The following STAU2 variants were observed in gnomAD, a reference collection of about 807,000 sequenced individuals.
The protein encoded by STAU2 is staufen double-stranded RNA binding protein 2.
A neutral mutation model predicts 65.9 loss-of-function variants in STAU2; 20 were observed. The observed-to-expected ratio is 0.30, with a 90% CI of 0.21 to 0.44. STAU2 has a LOEUF of 0.44. Among genes scored for constraint, STAU2 ranks in the 20% least tolerant of loss-of-function variants. The pLI is 1.00. For missense variants in STAU2, 558 were observed against 683.9 expected (o/e 0.82, Z 2.05); for synonymous variants, 232 against 233.9 (o/e 0.99, Z 0.07).
chr8:73,746,650 A>C, intron 1 of STAU2, 133 bp downstream of exon 1: 3 of 405,600 alleles, frequency 7.4e-6, no homozygotes, highest in Non-Finnish European at 1.2e-5. Context: ...GGGGGAGGGG[A>C]GGCCGCGAAG....
At chr8:73,444,178 G>A (rs9650247) in intron 13 of STAU2, among the ~76,000 whole-genome samples, 12,816 of 152,140 alleles carry the variant, frequency 0.084, 718 homozygotes, top group Middle Eastern at 0.16. Context: ...AGGCCGAGGC[G>A]GGCAGATCAC....
At chr8:73,559,933 G>C (rs1808074959) in intron 12 of STAU2, among the ~76,000 whole-genome samples, 1 of 151,780 alleles carries the variant, frequency 6.6e-6, no homozygotes, top group African/African-American at 2.4e-5. Flanking sequence ...AAACTAAAAA[G>C]AGAAAATGTT....
chr8:73,437,243 G>A (rs1201989108), intron 13 of STAU2, among the ~76,000 whole-genome samples: 1 of 152,180 alleles, frequency 6.6e-6, no homozygotes, highest in East Asian at 1.9e-4. Context: ...ATATCATCAG[G>A]TTAAGTACCT....
intron 13 of STAU2, among the ~76,000 whole-genome samples, chr8:73,490,138 T>C (rs547913140): frequency 6.6e-6 from 1 of 152,042 alleles, no homozygotes; most frequent in East Asian, 1.9e-4. Context: ...GCCATCACTT[T>C]GTTTTTCTCA....
intron 13 of STAU2, among the ~76,000 whole-genome samples, chr8:73,460,650 T>G (rs970238059): frequency 6.6e-6 from 1 of 152,220 alleles, no homozygotes; most frequent in Non-Finnish European, 1.5e-5. Flanking sequence ...AGCTGTCTTG[T>G]GCATTCTCTA....
At chr8:73,546,571 T>G (rs1806955394) in intron 13 of STAU2, among the ~76,000 whole-genome samples, 1 of 152,228 alleles carries the variant, frequency 6.6e-6, no homozygotes, top group African/African-American at 2.4e-5. Context: ...AGTTTATCCA[T>G]ATATCCCCTA....
chr8:73,503,353 GCAGGGCT>G (rs1821868722), intron 13 of STAU2, among the ~76,000 whole-genome samples: 1 of 152,076 alleles, frequency 6.6e-6, no homozygotes, highest in Admixed American at 6.6e-5. Flanking sequence ...TAAAGTAATA[GCAGGGCT>G]CATTTCCTTG....
intron 6 of STAU2, among the ~76,000 whole-genome samples, chr8:73,664,557 T>C (rs1477965849): frequency 6.6e-6 from 1 of 152,240 alleles, no homozygotes; most frequent in Non-Finnish European, 1.5e-5. Flanking sequence ...ACTGATATGG[T>C]TGTTCTCCTT....
At chr8:73,535,976 T>A (rs907643427) in intron 13 of STAU2, among the ~76,000 whole-genome samples, 37 of 151,970 alleles carry the variant, frequency 2.4e-4, no homozygotes, top group Admixed American at 6.6e-4. Flanking sequence ...TTTAATTTTT[T>A]TAAAAAAAAT....
chr8:73,422,729 C>A, intron 13 of STAU2, 27 bp from the exon 14 acceptor site: 1 of 1,392,192 alleles, frequency 7.2e-7, no homozygotes, highest in Non-Finnish European at 9.5e-7. Context: ...ACAGAGAGAG[C>A]CATTCACTGA....
At chr8:73,551,337 G>A in intron 13 of STAU2, 1 of 987,264 alleles carries the variant, frequency 1.0e-6, no homozygotes, top group Non-Finnish European at 1.2e-6. Context: ...CTATAAGCTA[G>A]TTTTAGACTA....
chr8:73,485,478 G>T (rs16938682), intron 13 of STAU2, among the ~76,000 whole-genome samples: 15,931 of 151,870 alleles, frequency 0.1, 1,420 homozygotes, highest in African/African-American at 0.23. Context: ...GTAGGACCAC[G>T]GAAGGGAGAG....
At chr8:73,734,137 A>T (rs1159187938) in intron 3 of STAU2, among the ~76,000 whole-genome samples, 1 of 152,038 alleles carries the variant, frequency 6.6e-6, no homozygotes, top group African/African-American at 2.4e-5. Context: ...CATAGAAAAA[A>T]AATCTAGAAG....
In STAU2 at chr8:73,673,241, G is replaced by A; in HGVS notation, c.276C>T (p.Gly92=). 1 of 1,550,946 alleles carries A rather than the reference G, an allele frequency of 6.4e-7. No homozygotes were observed. Among genetic ancestry groups the A allele is most frequent in the South Asian group, 1.2e-5 (1 of 80,500 alleles). The change falls in exon 6 of 15, where the codon GGC becomes GGT. Residue 92 remains glycine (G), a splice_region_variant and synonymous_variant. Transcript: ENST00000524300. ...PPKSNVNNNP[G]SITPTVELNG... is the part of the protein sequence containing the mutation. ...TCAGTTCCACAGTTGGAGTTATACTGCCTGTTTAAAAAAAAAACATTAAAG... is the reference window on the plus strand; with the variant it reads ...TCAGTTCCACAGTTGGAGTTATACTACCTGTTTAAAAAAAAAACATTAAAG...
At chr8:73,426,099 T>C (rs1477764911) in intron 13 of STAU2, among the ~76,000 whole-genome samples, 2 of 151,892 alleles carry the variant, frequency 1.3e-5, no homozygotes, top group African/African-American at 4.8e-5. Context: ...AGCCTCCATA[T>C]CACTTAGTAT....
At chr8:73,515,406 C>A (rs895739920) in intron 13 of STAU2, among the ~76,000 whole-genome samples, 2 of 152,178 alleles carry the variant, frequency 1.3e-5, no homozygotes, top group Admixed American at 1.3e-4. Flanking sequence ...TTCATAATGG[C>A]TATAGAATAT....
chr8:73,718,816 T>C (rs891020176), intron 3 of STAU2, among the ~76,000 whole-genome samples: 1 of 152,222 alleles, frequency 6.6e-6, no homozygotes, highest in Admixed American at 6.5e-5. Context: ...TGCTACTCTT[T>C]TATTTTCATT....
intron 13 of STAU2, among the ~76,000 whole-genome samples, chr8:73,531,118 A>T (rs148013516): frequency 6.6e-6 from 1 of 152,052 alleles, no homozygotes; most frequent in African/African-American, 2.4e-5. Flanking sequence ...TTAAGCTCTG[A>T]CCCCACCAAT....
chr8:73,552,992 T>C (rs1807446911), intron 12 of STAU2, among the ~76,000 whole-genome samples: 1 of 152,200 alleles, frequency 6.6e-6, no homozygotes, highest in Non-Finnish European at 1.5e-5. Context: ...ATCGTGTTGC[T>C]CAAACATCTC....
Sources: gnomAD v4.1 joint callset for allele counts (sites outside exome capture counted in the v4.1 genomes callset) on GRCh38, gnomAD v4.1.1 for gene constraint, MANE v1.5 for transcripts, NCBI Gene and HGNC (gene_info 2026-07-23, HGNC 2026-07-21) for gene names.